The following ZNF195 variants were observed in gnomAD, a reference collection of about 807,000 sequenced individuals.
ZNF195 encodes the protein hypoxia-regulated factor-1.
Under a neutral mutation model 19.5 loss-of-function variants are expected in ZNF195, and 11 were observed. That is an observed-to-expected ratio of 0.57 (90% CI 0.36 to 0.94). The LOEUF (loss-of-function observed/expected upper bound fraction) is 0.94, where lower values mean the gene tolerates loss of function less well. Among genes scored for constraint, ZNF195 ranks in the 40% least tolerant of loss-of-function variants. The pLI, the probability that ZNF195 is intolerant of heterozygous loss-of-function variation, is 0.01. For synonymous variants in ZNF195, 214 were observed against 248.1 expected (o/e 0.86, Z 1.29); for missense variants, 582 against 709.0 (o/e 0.82, Z 2.03).
At chr11:3,366,892 C>T (rs1001711257) in intron 3 of ZNF195, 4 of 453,354 alleles carry the variant, frequency 8.8e-6, no homozygotes, top group African/African-American at 4.0e-5. Context: ...TGGCAAAACC[C>T]TGTCTCTATT....
chr11:3,371,739 T>C (rs1849222640), intron 1 of ZNF195, 36 bp from the exon 2 acceptor site: 1 of 1,567,760 alleles, frequency 6.4e-7, no homozygotes, highest in South Asian at 1.2e-5. Flanking sequence ...AAATACTTGA[T>C]TCGAGGTGAA....
At chr11:3,366,187 C>T (rs1201566153) in intron 3 of ZNF195, among the ~76,000 whole-genome samples, 1 of 149,116 alleles carries the variant, frequency 6.7e-6, no homozygotes, top group Non-Finnish European at 1.5e-5. Context: ...TGGCGTGAAC[C>T]CAGGAGGCAG....
At chr11:3,362,638 A>G (rs1190576941) in intron 3 of ZNF195, 2 of 552,394 alleles carry the variant, frequency 3.6e-6, no homozygotes, top group Non-Finnish European at 6.6e-6. Flanking sequence ...AAAAAGAGTC[A>G]AAGCTTATTA....
At chr11:3,370,748 C>T (rs191216060) in intron 3 of ZNF195, among the ~76,000 whole-genome samples, 95 of 152,342 alleles carry the variant, frequency 6.2e-4, no homozygotes, top group African/African-American at 2.1e-3. Flanking sequence ...CTGATTTTTA[C>T]TGTAACCTTT....
intron 1 of ZNF195, among the ~76,000 whole-genome samples, chr11:3,375,861 T>C (rs540440757): frequency 2.0e-5 from 3 of 152,282 alleles, no homozygotes; most frequent in Non-Finnish European, 4.4e-5. Flanking sequence ...TTTGTCAGCC[T>C]GAGCCCCGTC....
chr11:3,371,990 C>T (rs529982513), intron 1 of ZNF195, among the ~76,000 whole-genome samples: 1 of 152,136 alleles, frequency 6.6e-6, no homozygotes, highest in African/African-American at 2.4e-5. Flanking sequence ...GTGTATATTT[C>T]GCAGGCAGAA....
chr11:3,370,215 CATAT>C (rs1849132051), intron 3 of ZNF195, among the ~76,000 whole-genome samples: 1 of 150,386 alleles, frequency 6.6e-6, no homozygotes, highest in Admixed American at 6.6e-5. Context: ...TATATACACA[CATAT>C]ATACACACAT....
At chr11:3,366,177 T>A (rs1173607194) in intron 3 of ZNF195, among the ~76,000 whole-genome samples, 1 of 140,466 alleles carries the variant, frequency 7.1e-6, no homozygotes, top group Non-Finnish European at 1.5e-5. Context: ...GGCAGGAGAA[T>A]GGCGTGAACC....
At chr11:3,362,525 G>A (rs1389576229) in intron 3 of ZNF195, 1 of 539,884 alleles carries the variant, frequency 1.9e-6, no homozygotes, top group Non-Finnish European at 3.3e-6. Context: ...CTAAAGTTAA[G>A]TATTTACCAG....
At chr11:3,372,554 TAAATATCTCCCAGGTTCTGAC>T (rs200524195) in intron 1 of ZNF195, among the ~76,000 whole-genome samples, 14,193 of 142,588 alleles carry the variant, frequency 0.1, 1,618 homozygotes, top group East Asian at 0.39. Flanking sequence ...AAGAGACAAA[TAAATATCTCCCAGGTTCTGAC>T]AAATATCTCC....
intron 1 of ZNF195, among the ~76,000 whole-genome samples, chr11:3,376,437 G>A (rs143688357): frequency 1.3e-5 from 2 of 152,292 alleles, no homozygotes; most frequent in African/African-American, 4.8e-5. Context: ...GCCCAGGCCT[G>A]TGGGTTGGAC....
chr11:3,359,699 G>T lies in ZNF195; in HGVS notation c.1309C>A (p.Pro437Thr). 6.2e-7 allele frequency: 1 copy of T among 1,614,170 alleles called. No homozygotes were observed. The highest frequency in any genetic ancestry group is 8.5e-7 in the Non-Finnish European group (1 of 1,180,022). ...TTCCCACATTCGTCACATTTGTATG[G>T]TTTCTCACCAGTGTGAATTCTCTTA... The part of the protein sequence containing the change: ...KHKRIHTGEK[P>T]YKCDECGKAY... Residue 437 changes from proline (P) to threonine (T), a missense_variant, in exon 6 of 6, where the codon CCA (proline) becomes ACA (threonine). Physicochemically the swap from Pro to Thr is conservative, Grantham distance 38. Coordinates refer to ENST00000399602, the MANE Select transcript of ZNF195 (RefSeq NM_001130520.3). The surrounding 1 kb of genome is among the most constrained non-coding windows in gnomAD (Gnocchi z 5.5).
intron 1 of ZNF195, among the ~76,000 whole-genome samples, chr11:3,377,205 G>T (rs1849509303): frequency 6.6e-6 from 1 of 152,206 alleles, no homozygotes; most frequent in African/African-American, 2.4e-5. Flanking sequence ...CAACATTGCA[G>T]TAAGTGAATA....
chr11:3,375,112 C>T (rs1315397901), intron 1 of ZNF195, among the ~76,000 whole-genome samples: 1 of 152,222 alleles, frequency 6.6e-6, no homozygotes, highest in Non-Finnish European at 1.5e-5. Flanking sequence ...CTGTAGTTAA[C>T]TCTGTCGGAG....
At chr11:3,371,404 C>T (rs754699529) in intron 2 of ZNF195, among the ~76,000 whole-genome samples, 173 bp downstream of exon 2, 6 of 126,458 alleles carry the variant, frequency 4.7e-5, no homozygotes, top group Non-Finnish European at 1.0e-4. Context: ...TCAAGATGAA[C>T]CACATTTTGA....
At chr11:3,370,544 G>A (rs1164333794) in intron 3 of ZNF195, among the ~76,000 whole-genome samples, 1 of 152,212 alleles carries the variant, frequency 6.6e-6, no homozygotes, top group Non-Finnish European at 1.5e-5. Flanking sequence ...TACAACATCT[G>A]TTTACGGGAC....
rs765062349 is a variant in ZNF195, at chr11:3,361,811, C to A, written c.305G>T (p.Ser102Ile). ...GTGGTTCACACCTGTAATCCCAGCA[C>A]TTTGGGAGGCTGAGGCAGGCAGATC... ...SSDLPASASQ[S>I]AGITGVNHRA... The change falls in exon 4 of 6, where the codon AGT becomes ATT. Residue 102 changes from serine (S) to isoleucine (I), a missense_variant. Ser to Ile is a moderately radical substitution (Grantham distance 142). Transcript: ENST00000399602. 5 of 922,494 alleles carry A rather than the reference C, an allele frequency of 5.4e-6. No homozygotes were observed. The highest frequency in any genetic ancestry group is 4.1e-5 in the South Asian group (3 of 73,234). 57.1% of individuals were successfully genotyped at this position (922,494 alleles called of 1,614,324 possible).
In ZNF195 at chr11:3,373,668, G is replaced by A. The variant is rs144209202; in HGVS notation, c.4-1965C>T. 8.0e-4 allele frequency: 1,226 copies of A among 1,540,774 alleles called. 10 individuals are homozygous for A. The African/African-American group carries it at 0.014, about 17-fold the overall frequency. ...TGGACAAATCACACCTGCATCGTGA[G>A]AATATGCCTTTAAAGGTGTTAGCAC... On this transcript the variant is annotated intron_variant, in intron 1 of 5. Transcript: ENST00000399602.
chr11:3,366,016 G>T (rs1848862683), intron 3 of ZNF195, among the ~76,000 whole-genome samples: 1 of 152,132 alleles, frequency 6.6e-6, no homozygotes, highest in Non-Finnish European at 1.5e-5. Flanking sequence ...CCAGCACTTT[G>T]GGAGGCCGAG....
Sources: allele counts gnomAD v4.1 joint callset (sites outside exome capture counted in the v4.1 genomes callset), GRCh38; gene constraint gnomAD v4.1.1; non-coding constraint Gnocchi (gnomAD v3.1); transcripts MANE v1.5; gene names NCBI Gene and HGNC (gene_info 2026-07-23, HGNC 2026-07-21).